Variants in FETUB observed in about 807,000 individuals in gnomAD.
The protein encoded by FETUB is fetuin B, also known as fetuin-B.
Under a neutral mutation model 30.9 loss-of-function variants are expected in FETUB, and 28 were observed. The ratio of observed to expected loss-of-function variants is 0.90; its 90% CI spans 0.67 to 1.24. The LOEUF (loss-of-function observed/expected upper bound fraction) is 1.24. FETUB is among the 50% of genes most tolerant of loss of function. The pLI, the probability that FETUB is intolerant of heterozygous loss-of-function variation, is 0.00. For missense variants in FETUB, 469 were observed against 455.3 expected, an observed-to-expected ratio of 1.03 and a Z score of -0.27; for synonymous variants, 186 against 175.9, an observed-to-expected ratio of 1.06 and a Z score of -0.45.
At chr3:186,648,375 T>C (rs898801550) in intron 5 of FETUB, among the ~76,000 whole-genome samples, 4 of 152,264 alleles carry the variant, frequency 2.6e-5, no homozygotes, top group African/African-American at 7.2e-5. Context: ...GGTATAACAC[T>C]GTCTTGAATA....
chr3:186,652,340 GA>G lies in FETUB; in HGVS notation c.863del (p.Asn288ThrfsTer43), dbSNP rs1238188678. ...NLPKVEESQQ[K>X]NTPPTDSPSK... ...TTCCCAAGGTGGAAGAATCCCAGCA[GA>G]AAAACACCCCCCCAACAGACTCCCC... On this transcript the variant is annotated frameshift_variant, in exon 7 of 7. Transcript: ENST00000265029. LOFTEE classifies it low-confidence loss of function (END_TRUNC). 2 of 1,611,084 alleles carry G rather than the reference GA, an allele frequency of 1.2e-6. No homozygotes were observed. Among genetic ancestry groups the G allele is most frequent in the Non-Finnish European group, 1.7e-6 (2 of 1,179,158 alleles).
chr3:186,646,308 T>C lies in FETUB; in HGVS notation c.655T>C (p.Ser219Pro). 6.2e-7 allele frequency: 1 copy of C among 1,614,080 alleles called. No individual in the cohort carries two copies. ...AATTAAAGAATCACCATGTACTAAA[T>C]CCCAGGCCAGCAGCTGTTCACTTCA... ...YLIKESPCTKSQASSCSLQSS... is the reference protein window; with the variant it reads ...YLIKESPCTKPQASSCSLQSS... Residue 219 changes from serine (S) to proline (P), a missense_variant, in exon 5 of 7, where the codon TCC (serine) becomes CCC (proline). Transcript: ENST00000265029.
intron 3 of FETUB, 68 bp from the exon 4 acceptor site, chr3:186,644,683 C>T (rs1717345033): frequency 3.1e-6 from 4 of 1,296,520 alleles, no homozygotes; most frequent in Middle Eastern, 1.9e-4. Context: ...CCATCCTTGC[C>T]TCTTTACAGT....
In FETUB at chr3:186,652,381, C is replaced by A. The variant is rs375303300; in HGVS notation, c.899C>A (p.Pro300Gln). ...PPTDSPSKAG[P>Q]RGSVQYLPDL... ...ACAGACTCCCCCTCCAAAGCTGGGC[C>A]AAGAGGATCTGTCCAATATCTTCCT... Residue 300 changes from proline (P) to glutamine (Q), a missense_variant, in exon 7 of 7, where the codon CCA becomes CAA. By Grantham distance (76) the Pro-to-Gln change is moderately conservative. Transcript: ENST00000265029. 96 of 1,613,698 alleles carry A rather than the reference C, an allele frequency of 5.9e-5. No individual in the cohort carries two copies. The highest frequency in any genetic ancestry group is 7.5e-5 in the Non-Finnish European group (89 of 1,179,914).
In FETUB at chr3:186,651,483, C is replaced by T. The variant is rs535018622; in HGVS notation, c.780+182C>T. 72 of 596,900 alleles carry T rather than the reference C, an allele frequency of 1.2e-4. 1 individual carries two copies. In the Middle Eastern group the frequency reaches 1.3e-3, roughly 11 times the overall value. 37.0% of individuals were successfully genotyped at this position (596,900 alleles called of 1,614,324 possible). A position where few individuals can be genotyped will look rare whatever the true frequency, so the allele number is the denominator to read the frequency against. On this transcript the variant is annotated intron_variant, in intron 6 of 6. Coordinates refer to ENST00000265029, the MANE Select transcript of FETUB (RefSeq NM_014375.3). ...AAGACCTGTTATGCCTTGTTTCAGT[C>T]GCAATATGGTCCTGCAGAATAAGCA...
At chr3:186,650,924 C>A (rs1717977544) in intron 5 of FETUB, among the ~76,000 whole-genome samples, 1 of 152,144 alleles carries the variant, frequency 6.6e-6, no homozygotes, top group South Asian at 2.1e-4. Flanking sequence ...GAACTAAGGC[C>A]AAGAGGTAGA....
In FETUB at chr3:186,640,529, G is replaced by C. The variant is rs749337887; in HGVS notation, c.69G>C (p.Gln23His). The change falls in exon 1 of 7, where the codon CAG becomes CAC. Residue 23 changes from glutamine to histidine, a missense_variant. Transcript: ENST00000265029. ...VLCCGAMSPP[Q>H]LALNPSALLS... ...GCTGCGGAGCAATGTCTCCACCCCA[G>C]CTGGCCCTCAACCCCTCGGCTCTGC... is the stretch of plus-strand genomic sequence containing the variant. The C allele has an allele frequency of 6.2e-7, 1 of 1,614,202 alleles. No homozygotes were observed. The highest frequency in any genetic ancestry group is 1.3e-5 in the African/African-American group (1 of 75,054).
At chr3:186,645,170 G>A (rs1252761913) in intron 4 of FETUB, among the ~76,000 whole-genome samples, 3 of 152,140 alleles carry the variant, frequency 2.0e-5, no homozygotes, top group Non-Finnish European at 2.9e-5. Flanking sequence ...GAACAGAAAT[G>A]AACTCCTAGT....
intron 2 of FETUB, 43 bp from the exon 3 acceptor site, chr3:186,642,428 T>C (rs373147136): frequency 3.8e-6 from 4 of 1,046,590 alleles, no homozygotes; most frequent in Non-Finnish European, 5.9e-6. Context: ...TAAAAGCTCA[T>C]AGTTGCATTC....
Position 186,652,710 on chromosome 3 carries a change from G to A in FETUB, c.*79G>A. The A allele has an allele frequency of 6.7e-7, 1 of 1,492,384 alleles. No homozygotes were observed. Among genetic ancestry groups the A allele is most frequent in the South Asian group, 1.3e-5 (1 of 74,376 alleles). 92.4% of individuals were successfully genotyped at this position (1,492,384 alleles called of 1,614,324 possible). A position where few individuals can be genotyped will look rare whatever the true frequency, so the allele number is the denominator to read the frequency against. On this transcript the variant is annotated 3_prime_UTR_variant, in exon 7 of 7. Transcript: ENST00000265029. ...GATGGGGACGATGGACAGAGACAGA[G>A]CGTGCACACGTAGAGTGGCTAGTGA...
chr3:186,640,371 A>T, upstream of FETUB: 1 of 990,882 alleles, frequency 1.0e-6, no homozygotes, highest in Non-Finnish European at 1.6e-6. Flanking sequence ...TTGTAACAAA[A>T]CCGCTCAAGT....
intron 4 of FETUB, 79 bp from the exon 5 acceptor site, chr3:186,646,169 A>T: frequency 1.1e-6 from 1 of 948,428 alleles, no homozygotes; most frequent in Non-Finnish European, 1.7e-6. Flanking sequence ...GTTTCTGTAG[A>T]TATAACGCTG....
In FETUB at chr3:186,652,770, G is replaced by A; in HGVS notation, c.*139G>A. The stretch of plus-strand genomic sequence containing the variant: ...TTTTGACTCTTCTTGGTCTCAGCAT[G>A]TTGACTGGGATTGGAAATAATGAGA... On this transcript the variant is annotated 3_prime_UTR_variant, in exon 7 of 7. Transcript: ENST00000265029. The A allele has an allele frequency of 2.0e-6, 2 of 1,015,166 alleles. No homozygotes were observed. Among genetic ancestry groups the A allele is most frequent in the Non-Finnish European group, 2.8e-6 (2 of 717,558 alleles). The allele number at this position is 1,015,166 out of a possible 1,614,324, so 62.9% of individuals were successfully genotyped here.
At chr3:186,645,123 C>A (rs1209418860) in intron 4 of FETUB, among the ~76,000 whole-genome samples, 2 of 152,158 alleles carry the variant, frequency 1.3e-5, no homozygotes, top group Non-Finnish European at 1.5e-5. Context: ...CTACAAGAGT[C>A]AGGCGGCTTG....
At chr3:186,651,606 G>T in intron 6 of FETUB, 1 of 347,718 alleles carries the variant, frequency 2.9e-6, no homozygotes, top group Non-Finnish European at 5.3e-6. Flanking sequence ...TCAAGCCACA[G>T]GGAGAAGTTA....
At chr3:186,643,759 A>G (rs552964951) in intron 3 of FETUB, among the ~76,000 whole-genome samples, 3 of 152,162 alleles carry the variant, frequency 2.0e-5, no homozygotes, top group African/African-American at 7.2e-5. Context: ...CCAGTCCCCA[A>G]GTGCATGCAG....
intron 1 of FETUB, 28 bp downstream of exon 1, chr3:186,640,713 G>T: frequency 3.2e-6 from 5 of 1,583,614 alleles, no homozygotes; most frequent in Non-Finnish European, 4.3e-6. Context: ...CCACTCTGGG[G>T]CAGGGATGTG....
chr3:186,651,153 A>G (rs1717998643), intron 5 of FETUB, 65 bp from the exon 6 acceptor site: 3 of 1,048,838 alleles, frequency 2.9e-6, no homozygotes, highest in Non-Finnish European at 4.5e-6. Context: ...CACAAGTAGA[A>G]AGCTAGTTGA....
chr3:186,651,187 TACTC>T, intron 5 of FETUB, 27 bp from the exon 6 acceptor site: 1 of 1,436,308 alleles, frequency 7.0e-7, no homozygotes, highest in East Asian at 2.3e-5. Context: ...TCACTGGTAA[TACTC>T]ACATGACATT....
Sources: allele counts gnomAD v4.1 joint callset (sites outside exome capture counted in the v4.1 genomes callset), GRCh38; gene constraint gnomAD v4.1.1; transcripts MANE v1.5; gene names NCBI Gene and HGNC (gene_info 2026-07-23, HGNC 2026-07-21).